RBM27: variants seen among roughly 807,000 people sequenced by gnomAD.
RBM27 encodes the protein RNA-binding protein 27.
In RBM27, 22 loss-of-function variants were observed where a neutral mutation model predicts 135.3. The ratio of observed to expected loss-of-function variants is 0.16; its 90% CI spans 0.12 to 0.23. The LOEUF (loss-of-function observed/expected upper bound fraction) is 0.23. Ranked by LOEUF, RBM27 falls within the 10% of genes least tolerant of loss-of-function variation. RBM27 has a pLI of 1.00. For synonymous variants in RBM27, 481 were observed against 442.4 expected, an observed-to-expected ratio of 1.09 and a Z score of -1.10; for missense variants, 1,009 against 1,281.0, an observed-to-expected ratio of 0.79 and a Z score of 3.24.
At chr5:146,217,113 C>T (rs1433265608) in intron 1 of RBM27, among the ~76,000 whole-genome samples, 1 of 151,982 alleles carries the variant, frequency 6.6e-6, no homozygotes, top group Non-Finnish European at 1.5e-5. Context: ...ACTACAGGTG[C>T]CAGCCACCTT....
chr5:146,221,963 T>G (rs1360312140), intron 2 of RBM27, among the ~76,000 whole-genome samples: 2 of 152,182 alleles, frequency 1.3e-5, no homozygotes, highest in Non-Finnish European at 2.9e-5. Flanking sequence ...TTTCCCAAAC[T>G]CTTTGGTTTC....
At chr5:146,274,229 T>C (rs1758991962) in intron 19 of RBM27, among the ~76,000 whole-genome samples, 1 of 151,938 alleles carries the variant, frequency 6.6e-6, no homozygotes, top group South Asian at 2.1e-4. Context: ...CTCCTTTTTT[T>C]TTTTAATAGG....
intron 11 of RBM27, 121 bp downstream of exon 11, chr5:146,258,714 T>C: frequency 1.2e-6 from 1 of 818,024 alleles, no homozygotes; most frequent in Non-Finnish European, 1.7e-6. Context: ...AAGTTAGGGT[T>C]CCAGGAGACA....
intron 1 of RBM27, among the ~76,000 whole-genome samples, chr5:146,210,521 T>G (rs1755886392): frequency 6.6e-6 from 1 of 151,806 alleles, no homozygotes; most frequent in Non-Finnish European, 1.5e-5. Flanking sequence ...AAAAAAAATA[T>G]GTGAAAGGAG....
Position 146,270,954 on chromosome 5 carries a change from G to A in RBM27, c.2692G>A (p.Ala898Thr). Residue 898 changes from alanine (A) to threonine (T), a missense_variant and splice_region_variant, in exon 18 of 21, where the codon GCC becomes ACC. By Grantham distance (58) the Ala-to-Thr change is moderately conservative. Transcript: ENST00000265271. ...TPSKVKTKTE[A>T]QKELLDTELD... ...CTTTTTATTTTCAATTTTTCCAAAG[G>A]CCCAGAAGGAGTTATTAGATACTGA... 2.5e-6 allele frequency: 4 copies of A among 1,603,362 alleles called. 1 individual carries two copies. Among genetic ancestry groups the A allele is most frequent in the Non-Finnish European group, 3.4e-6 (4 of 1,171,922 alleles).
At chr5:146,279,536 G>A (rs781353638) in intron 19 of RBM27, among the ~76,000 whole-genome samples, 4 of 151,826 alleles carry the variant, frequency 2.6e-5, no homozygotes, top group South Asian at 2.1e-4. Flanking sequence ...GGCCAGGTAC[G>A]GTGGCTCACG....
At chr5:146,247,325 C>G (rs1757669501) in intron 8 of RBM27, among the ~76,000 whole-genome samples, 2 of 152,220 alleles carry the variant, frequency 1.3e-5, no homozygotes, top group Admixed American at 6.5e-5. Flanking sequence ...ATCCTACATA[C>G]ACACAGTACT....
chr5:146,251,223 CTT>C (rs942813923), intron 8 of RBM27, among the ~76,000 whole-genome samples: 1 of 151,776 alleles, frequency 6.6e-6, no homozygotes, highest in African/African-American at 2.4e-5. Context: ...TTCTTAATGT[CTT>C]TGTCTTTTTT....
chr5:146,273,034 G>A (rs948276024), intron 19 of RBM27, among the ~76,000 whole-genome samples: 12 of 152,160 alleles, frequency 7.9e-5, no homozygotes, highest in South Asian at 2.1e-4. Flanking sequence ...AAGGCCGCAC[G>A]AATGTTGATT....
intron 7 of RBM27, among the ~76,000 whole-genome samples, chr5:146,236,027 A>G (rs1757144094): frequency 6.6e-6 from 1 of 152,198 alleles, no homozygotes; most frequent in South Asian, 2.1e-4. Context: ...TAAACAGTAT[A>G]ATTGTGAAGC....
intron 9 of RBM27, among the ~76,000 whole-genome samples, chr5:146,253,956 G>C (rs993874464): frequency 6.6e-6 from 1 of 152,122 alleles, no homozygotes; most frequent in Non-Finnish European, 1.5e-5. Flanking sequence ...GTGTATGTGC[G>C]CGTGTGTGCT....
chr5:146,211,464 C>CTTTTTTTTTTTTTTTTTTTTTTTTT lies in RBM27; in HGVS notation c.60-7515_60-7491dup, dbSNP rs57117642. Among the ~76,000 whole-genome samples the CTTTTTTTTTTTTTTTTTTTTTTTTT allele has an allele frequency of 5.2e-4, 26 of 49,930 alleles. 6 individuals are homozygous for CTTTTTTTTTTTTTTTTTTTTTTTTT. The highest frequency in any genetic ancestry group is 1.9e-3 in the Admixed American group (5 of 2,574). The allele number at this position is 49,930 out of a possible 152,430, so 32.8% of individuals were successfully genotyped here. On this transcript the variant is annotated intron_variant, in intron 1 of 20. Coordinates refer to ENST00000265271, the MANE Select transcript of RBM27 (RefSeq NM_018989.2). ...CTTACTTTGTCCAGTATGGTCTTAT[C>CTTTTTTTTTTTTTTTTTTTTTTTTT]TTTTTTTTTTTTTTTTTTTTTTTTT...
chr5:146,240,567 T>C (rs1226728775), intron 8 of RBM27, among the ~76,000 whole-genome samples: 1 of 152,228 alleles, frequency 6.6e-6, no homozygotes, highest in African/African-American at 2.4e-5. Flanking sequence ...CCTCAGGTGA[T>C]CCGCCTGCCT....
At chr5:146,253,700 T>G (rs1309701800) in intron 9 of RBM27, among the ~76,000 whole-genome samples, 1 of 152,170 alleles carries the variant, frequency 6.6e-6, no homozygotes, top group East Asian at 1.9e-4. Flanking sequence ...GGATGTTTTG[T>G]GCAAGAAGGA....
At chr5:146,235,423 G>T (rs892630201) in intron 7 of RBM27, among the ~76,000 whole-genome samples, 2 of 152,012 alleles carry the variant, frequency 1.3e-5, no homozygotes, top group Non-Finnish European at 2.9e-5. Context: ...AGGCATGTCG[G>T]GGGGTGCATG....
chr5:146,216,692 G>C (rs1160098073), intron 1 of RBM27, among the ~76,000 whole-genome samples: 1 of 152,016 alleles, frequency 6.6e-6, no homozygotes, highest in East Asian at 1.9e-4. Context: ...GGGTCTCACT[G>C]TGTATCCCAG....
chr5:146,269,654 T>C, intron 17 of RBM27, 70 bp downstream of exon 17: 5 of 1,097,382 alleles, frequency 4.6e-6, no homozygotes, highest in Non-Finnish European at 6.1e-6. Context: ...ACCTTGAAAG[T>C]ACAATGGGAC....
At chr5:146,220,909 CT>C (rs1756431906) in intron 2 of RBM27, among the ~76,000 whole-genome samples, 1 of 152,038 alleles carries the variant, frequency 6.6e-6, no homozygotes, top group African/African-American at 2.4e-5. Context: ...TCCAAGAATT[CT>C]TTGTTATAAA....
intron 6 of RBM27, among the ~76,000 whole-genome samples, chr5:146,232,328 A>G (rs150562897): frequency 1.3e-5 from 2 of 152,350 alleles, no homozygotes; most frequent in South Asian, 2.1e-4. Flanking sequence ...TCTCAGCCAT[A>G]GAATACTCCT....
Sources: allele counts gnomAD v4.1 joint callset (sites outside exome capture counted in the v4.1 genomes callset), GRCh38; gene constraint gnomAD v4.1.1; transcripts MANE v1.5; gene names NCBI Gene and HGNC (gene_info 2026-07-23, HGNC 2026-07-21).